The following ZNRF3 variants were observed in gnomAD, a reference collection of about 807,000 sequenced individuals.
ZNRF3 encodes the protein zinc and ring finger 3, also known as E3 ubiquitin-protein ligase ZNRF3.
A neutral mutation model predicts 72.5 loss-of-function variants in ZNRF3; 23 were observed. That is an observed-to-expected ratio of 0.32 (90% CI 0.23 to 0.45). The LOEUF (loss-of-function observed/expected upper bound fraction) is 0.45. Among genes scored for constraint, ZNRF3 ranks in the 20% least tolerant of loss-of-function variants. The pLI, the probability that ZNRF3 is intolerant of heterozygous loss-of-function variation, is 1.00. For synonymous variants in ZNRF3, 610 were observed against 545.3 expected, an observed-to-expected ratio of 1.12 and a Z score of -1.65; for missense variants, 1,169 against 1,272.1, an observed-to-expected ratio of 0.92 and a Z score of 1.23.
chr22:28,919,663 T>C (rs1229725839), intron 1 of ZNRF3, among the ~76,000 whole-genome samples: 2 of 150,792 alleles, frequency 1.3e-5, no homozygotes, highest in African/African-American at 2.4e-5. Context: ...CGTGCCACCA[T>C]GCCTGGCTAA....
intron 2 of ZNRF3, among the ~76,000 whole-genome samples, chr22:28,998,035 C>T (rs1006967886): frequency 6.7e-6 from 1 of 149,932 alleles, no homozygotes; most frequent in Non-Finnish European, 1.5e-5. Flanking sequence ...CACGGTGGCT[C>T]ACGCCTGTAA....
chr22:28,911,883 A>C (rs1036216693), intron 1 of ZNRF3, among the ~76,000 whole-genome samples: 1 of 152,190 alleles, frequency 6.6e-6, no homozygotes, highest in Non-Finnish European at 1.5e-5. Context: ...AGGCTGGTTT[A>C]GACATTTCTG....
chr22:28,883,919 C>A lies in ZNRF3; in HGVS notation c.153C>A (p.Gly51=). 1 of 1,187,314 alleles carries A rather than the reference C, an allele frequency of 8.4e-7. No individual in the cohort carries two copies. The highest frequency in any genetic ancestry group is 1.1e-6 in the Non-Finnish European group (1 of 942,454). The allele number at this position is 1,187,314 out of a possible 1,614,324, so 73.5% of individuals were successfully genotyped here. ...LGLLLAAAGP[G]AARAKETAFV... Reference sequence around the variant, plus strand: ...TGCTGCTGGCGGCCGCGGGGCCCGGCGCGGCGCGGGCCAAGGAGACGGCGT... The same window carrying A: ...TGCTGCTGGCGGCCGCGGGGCCCGGAGCGGCGCGGGCCAAGGAGACGGCGT... The change falls in exon 1 of 9, where the codon GGC becomes GGA. Residue 51 remains glycine (G), a synonymous_variant. Transcript: ENST00000544604. The surrounding 1 kb of genome is among the most constrained non-coding windows in gnomAD (Gnocchi z 5.5).
intron 1 of ZNRF3, among the ~76,000 whole-genome samples, chr22:28,903,649 C>T (rs756430960): frequency 1.3e-5 from 2 of 152,068 alleles, no homozygotes; most frequent in Non-Finnish European, 2.9e-5. Flanking sequence ...AAGGTGAGTT[C>T]CATCACTGCC....
At chr22:28,901,932 CTTTT>C (rs398036773) in intron 1 of ZNRF3, among the ~76,000 whole-genome samples, 52 of 112,958 alleles carry the variant, frequency 4.6e-4, no homozygotes, top group African/African-American at 1.5e-3. Flanking sequence ...TTTAAGTTAA[CTTTT>C]TTTTTTTTTT....
At chr22:28,994,895 T>C (rs1312118393) in intron 2 of ZNRF3, among the ~76,000 whole-genome samples, 1 of 152,226 alleles carries the variant, frequency 6.6e-6, no homozygotes, top group African/African-American at 2.4e-5. Flanking sequence ...CTGATGTTAC[T>C]GAATCCTGGG....
intron 1 of ZNRF3, among the ~76,000 whole-genome samples, chr22:28,918,537 CGT>C (rs56876101): frequency 0.041 from 6,154 of 148,740 alleles, 153 homozygotes; most frequent in East Asian, 0.066. Flanking sequence ...TGCATGTGTG[CGT>C]GTGTGTGTGT....
At chr22:28,895,644 G>C (rs987648093) in intron 1 of ZNRF3, among the ~76,000 whole-genome samples, 1 of 152,148 alleles carries the variant, frequency 6.6e-6, no homozygotes, top group Non-Finnish European at 1.5e-5. Context: ...TCCAGCCTGG[G>C]CGACAGAGCG....
Position 29,054,645 on chromosome 22 carries a change from C to G in ZNRF3, c.*1023C>G, listed in dbSNP as rs2037267720. Reference sequence around the variant, plus strand: ...GGGACAGACACCCAGAAGGAATGTACTTTTGTGGCCTTGGTGTCCGATGGG... The same window carrying G: ...GGGACAGACACCCAGAAGGAATGTAGTTTTGTGGCCTTGGTGTCCGATGGG... On this transcript the variant is annotated 3_prime_UTR_variant, in exon 9 of 9. Coordinates refer to ENST00000544604, the MANE Select transcript of ZNRF3 (RefSeq NM_001206998.2). The G allele has an allele frequency of 6.5e-6, 1 of 152,776 alleles. No homozygotes were observed. The highest frequency in any genetic ancestry group is 2.4e-5 in the African/African-American group (1 of 41,456). The allele number at this position is 152,776 out of a possible 1,614,324, so 9.5% of individuals were successfully genotyped here.
At chr22:29,012,227 C>T (rs546353823) in intron 2 of ZNRF3, among the ~76,000 whole-genome samples, 23 of 152,346 alleles carry the variant, frequency 1.5e-4, no homozygotes, top group African/African-American at 5.1e-4. Context: ...CTCTGAGGCA[C>T]TAGGGCCAAG....
At chr22:28,930,375 G>A (rs1442513024) in intron 1 of ZNRF3, among the ~76,000 whole-genome samples, 1 of 152,188 alleles carries the variant, frequency 6.6e-6, no homozygotes, top group African/African-American at 2.4e-5. Context: ...TCCCAGCCAG[G>A]AGTCTGCAGT....
chr22:29,045,880 A>C (rs2037059734), intron 5 of ZNRF3, among the ~76,000 whole-genome samples: 1 of 152,182 alleles, frequency 6.6e-6, no homozygotes, highest in South Asian at 2.1e-4. Flanking sequence ...TCTGAAGTCT[A>C]TTCTGGCATG....
intron 1 of ZNRF3, among the ~76,000 whole-genome samples, chr22:28,954,042 G>C (rs768103170): frequency 7.2e-5 from 11 of 152,110 alleles, no homozygotes; most frequent in Non-Finnish European, 1.6e-4. Context: ...AAGCACCTAG[G>C]ACAGGGCCTG....
At chr22:28,959,085 G>C (rs759814427) in intron 1 of ZNRF3, among the ~76,000 whole-genome samples, 11 of 152,224 alleles carry the variant, frequency 7.2e-5, no homozygotes, top group Non-Finnish European at 1.6e-4. Flanking sequence ...TTGTCCTGCA[G>C]CCTTGGGTGA....
intron 1 of ZNRF3, among the ~76,000 whole-genome samples, chr22:28,952,740 G>A (rs2035187698): frequency 6.6e-6 from 1 of 152,252 alleles, no homozygotes; most frequent in South Asian, 2.1e-4. Context: ...GAATGTGTTT[G>A]CGAATGTATT....
intron 1 of ZNRF3, among the ~76,000 whole-genome samples, chr22:28,925,200 A>C (rs1246254964): frequency 6.6e-6 from 1 of 152,192 alleles, no homozygotes; most frequent in Non-Finnish European, 1.5e-5. Context: ...GTCCTTCCCA[A>C]GATCTTCCCT....
Position 28,987,060 on chromosome 22 carries a change from C to T in ZNRF3, c.301-16C>T. The T allele has an allele frequency of 6.2e-7, 1 of 1,600,668 alleles. No individual in the cohort carries two copies. The highest frequency in any genetic ancestry group is 8.5e-7 in the Non-Finnish European group (1 of 1,174,390). ...TAGCTTGCCTGCTGAAGTTTTCTTTCCATTTTATTTCCTAGATGCACCCAC... is the reference window on the plus strand; with the variant it reads ...TAGCTTGCCTGCTGAAGTTTTCTTTTCATTTTATTTCCTAGATGCACCCAC... On this transcript the variant is annotated splice_polypyrimidine_tract_variant and intron_variant, in intron 1 of 8. Transcript: ENST00000544604.
chr22:29,040,818 T>G (rs1418000908), intron 2 of ZNRF3, among the ~76,000 whole-genome samples: 1 of 152,226 alleles, frequency 6.6e-6, no homozygotes, highest in Non-Finnish European at 1.5e-5. Flanking sequence ...TGTTTGGTGC[T>G]AAATACAAGG....
chr22:29,017,149 A>G (rs1208590649), intron 2 of ZNRF3, among the ~76,000 whole-genome samples: 1 of 152,234 alleles, frequency 6.6e-6, no homozygotes, highest in Non-Finnish European at 1.5e-5. Flanking sequence ...ACACTTGTGC[A>G]GTATTTTAAG....
Sources: allele counts gnomAD v4.1 joint callset (sites outside exome capture counted in the v4.1 genomes callset), GRCh38; gene constraint gnomAD v4.1.1; non-coding constraint Gnocchi (gnomAD v3.1); transcripts MANE v1.5; gene names NCBI Gene and HGNC (gene_info 2026-07-23, HGNC 2026-07-21).